ERG: variants seen among roughly 807,000 people sequenced by gnomAD.
The protein encoded by ERG is ETS transcription factor ERG.
Under a neutral mutation model 55.3 loss-of-function variants are expected in ERG, and 9 were observed. That is an observed-to-expected ratio of 0.16 (90% CI 0.10 to 0.28). The LOEUF is 0.28. Ranked by LOEUF, ERG falls within the 10% of genes least tolerant of loss-of-function variation. The pLI, the probability that ERG is intolerant of heterozygous loss-of-function variation, is 1.00. For synonymous variants in ERG, 223 were observed against 237.3 expected, an observed-to-expected ratio of 0.94 and a Z score of 0.55; for missense variants, 434 against 631.6, an observed-to-expected ratio of 0.69 and a Z score of 3.35.
At chr21:38,557,690 G>C (rs1209032272) in intron 2 of ERG, among the ~76,000 whole-genome samples, 2 of 152,086 alleles carry the variant, frequency 1.3e-5, no homozygotes, top group African/African-American at 4.8e-5. Flanking sequence ...ACCTCTTAAA[G>C]GTAAAGATAA....
At chr21:38,444,375 G>A (rs2058869635) in intron 2 of ERG, among the ~76,000 whole-genome samples, 1 of 152,126 alleles carries the variant, frequency 6.6e-6, no homozygotes. Flanking sequence ...GGGCTGCTCG[G>A]AGGACTGAGG....
chr21:38,548,874 G>A (rs1016235840), intron 2 of ERG, among the ~76,000 whole-genome samples: 16 of 151,050 alleles, frequency 1.1e-4, no homozygotes, highest in African/African-American at 3.9e-4. Flanking sequence ...ACTTTGGGAG[G>A]CTGAGGCGGG....
chr21:38,459,127 A>G (rs928710314), intron 1 of ERG, among the ~76,000 whole-genome samples: 19 of 152,086 alleles, frequency 1.2e-4, no homozygotes, highest in African/African-American at 3.9e-4. Context: ...CTACTAGGCT[A>G]TCATTTCTTC....
intron 3 of ERG, among the ~76,000 whole-genome samples, chr21:38,412,129 G>T (rs902964543): frequency 3.3e-5 from 5 of 152,018 alleles, no homozygotes; most frequent in Non-Finnish European, 7.4e-5. Flanking sequence ...GTATTTTTTA[G>T]TCTAGTCTAT....
intron 1 of ERG, among the ~76,000 whole-genome samples, chr21:38,470,191 C>A (rs2059126936): frequency 6.6e-6 from 1 of 152,000 alleles, no homozygotes; most frequent in Non-Finnish European, 1.5e-5. Flanking sequence ...CTTCTCTGTC[C>A]CAATTGTATT....
At chr21:38,579,753 G>A (rs1402989058) in intron 1 of ERG, among the ~76,000 whole-genome samples, 2 of 151,956 alleles carry the variant, frequency 1.3e-5, no homozygotes, top group Admixed American at 6.5e-5. Flanking sequence ...AAAACCCAAC[G>A]GACCTAAAGA....
chr21:38,484,906 T>G (rs1037631238), intron 1 of ERG, among the ~76,000 whole-genome samples: 1 of 152,122 alleles, frequency 6.6e-6, no homozygotes, highest in Admixed American at 6.5e-5. Flanking sequence ...TTCTGTACAG[T>G]ACATAATAGT....
intron 1 of ERG, among the ~76,000 whole-genome samples, chr21:38,610,997 A>G (rs1038091487): frequency 6.6e-6 from 1 of 152,214 alleles, no homozygotes; most frequent in African/African-American, 2.4e-5. Flanking sequence ...GAGGGAAGCA[A>G]TCCCTGCTAT....
intron 1 of ERG, among the ~76,000 whole-genome samples, chr21:38,611,164 C>T (rs2060224713): frequency 6.6e-6 from 1 of 152,116 alleles, no homozygotes; most frequent in Non-Finnish European, 1.5e-5. Context: ...CATCACCGCC[C>T]ACCTCCCCAC....
intron 1 of ERG, among the ~76,000 whole-genome samples, chr21:38,602,941 C>A (rs930152273): frequency 6.6e-6 from 1 of 151,900 alleles, no homozygotes; most frequent in East Asian, 1.9e-4. Context: ...GAGCTTCATG[C>A]CTCAACTCAG....
chr21:38,554,006 A>AG (rs1000059342), intron 2 of ERG, among the ~76,000 whole-genome samples: 2 of 151,904 alleles, frequency 1.3e-5, no homozygotes, highest in African/African-American at 2.4e-5. Context: ...AACTTCTTTA[A>AG]AAAAAATGGG....
chr21:38,377,009 C>A (rs1424695524), downstream of ERG, among the ~76,000 whole-genome samples: 1 of 152,204 alleles, frequency 6.6e-6, no homozygotes. Flanking sequence ...TTTGACATGC[C>A]CTGAAGACTG....
chr21:38,442,749 C>T (rs1042607126), intron 2 of ERG, among the ~76,000 whole-genome samples: 1 of 152,234 alleles, frequency 6.6e-6, no homozygotes, highest in Admixed American at 6.5e-5. Context: ...ATCACAGGCT[C>T]ACACTAAGGA....
intron 2 of ERG, among the ~76,000 whole-genome samples, chr21:38,559,327 G>C (rs2059877863): frequency 6.6e-6 from 1 of 151,398 alleles, no homozygotes; most frequent in Non-Finnish European, 1.5e-5. Flanking sequence ...TTTCCACTTG[G>C]CAGCAATGGA....
intron 2 of ERG, among the ~76,000 whole-genome samples, chr21:38,551,928 C>A (rs12482035): frequency 0.5 from 76,287 of 151,492 alleles, 20,451 homozygotes; most frequent in Non-Finnish European, 0.62. Context: ...CTATCTAATA[C>A]TGTCAGTGAG....
intron 5 of ERG, 86 bp from the exon 6 acceptor site, chr21:38,400,731 A>T: frequency 9.6e-6 from 10 of 1,045,468 alleles, no homozygotes; most frequent in African/African-American, 1.6e-5. Flanking sequence ...ACTTTTCCCT[A>T]TGACAACAAA....
At chr21:38,592,542 T>C (rs1173251954) in intron 1 of ERG, among the ~76,000 whole-genome samples, 2 of 151,152 alleles carry the variant, frequency 1.3e-5, no homozygotes, top group Non-Finnish European at 2.9e-5. Flanking sequence ...TAGCCCAAAA[T>C]GTGGGCTGCT....
chr21:38,589,304 C>A (rs2060085806), upstream of ERG, among the ~76,000 whole-genome samples: 2 of 152,230 alleles, frequency 1.3e-5, no homozygotes, highest in African/African-American at 4.8e-5. Context: ...AGCCGTCCAT[C>A]CCCACAGTTA....
chr21:38,402,712 C>CAAAAAAA (rs759434219), intron 4 of ERG, 75 bp from the exon 5 acceptor site: 19 of 165,214 alleles, frequency 1.2e-4, no homozygotes, highest in African/African-American at 6.1e-4. Context: ...ACCTTTCTTA[C>CAAAAAAA]AAAAAAAAAA....
Sources: allele counts gnomAD v4.1 joint callset (sites outside exome capture counted in the v4.1 genomes callset), GRCh38; gene constraint gnomAD v4.1.1; transcripts MANE v1.5; gene names NCBI Gene and HGNC (gene_info 2026-07-23, HGNC 2026-07-21).